LIG1: variants seen among roughly 807,000 people sequenced by gnomAD.
The protein encoded by LIG1 is ligase I, DNA, ATP-dependent.
In LIG1, 70 loss-of-function variants were observed where a neutral mutation model predicts 115.7. That is an observed-to-expected ratio of 0.60 (90% CI 0.50 to 0.74). LIG1 has a LOEUF of 0.74. LIG1 is among the 30% of genes least tolerant of loss of function. LIG1 has a pLI of 0.00. For missense variants in LIG1, 1,115 were observed against 1,225.6 expected (o/e 0.91, Z 1.35); for synonymous variants, 487 against 495.3 (o/e 0.98, Z 0.22).
intron 25 of LIG1, 193 bp from the exon 26 acceptor site, chr19:48,117,974 A>T: frequency 1.6e-6 from 1 of 630,430 alleles, no homozygotes; most frequent in East Asian, 2.8e-5. Context: ...AGAGAAACAG[A>T]AAGTGAAAGA....
In LIG1 at chr19:48,131,202, A is replaced by C. The variant is rs369794091; in HGVS notation, c.1726-31T>G. 58 of 1,537,886 alleles carry C rather than the reference A, an allele frequency of 3.8e-5. No homozygotes were observed. In the South Asian group the frequency reaches 6.0e-4, roughly 16 times the overall value. On this transcript the variant is annotated intron_variant, in intron 18 of 27. Coordinates refer to ENST00000263274, the MANE Select transcript of LIG1 (RefSeq NM_000234.3). Reference sequence around the variant, plus strand: ...ACGATGGGAGAAGGGAGGGGAAATCAGCTGAGTCCCCTCATGTGGCCTCAG... The same window carrying C: ...ACGATGGGAGAAGGGAGGGGAAATCCGCTGAGTCCCCTCATGTGGCCTCAG...
chr19:48,134,929 C>T (rs2034283332), intron 16 of LIG1, among the ~76,000 whole-genome samples: 2 of 152,226 alleles, frequency 1.3e-5, no homozygotes, highest in African/African-American at 4.8e-5. Flanking sequence ...ATCTTGGAGT[C>T]ACCAGCCCTG....
intron 4 of LIG1, among the ~76,000 whole-genome samples, chr19:48,160,222 A>G (rs2036094452): frequency 6.6e-6 from 1 of 152,254 alleles, no homozygotes; most frequent in Non-Finnish European, 1.5e-5. Flanking sequence ...GTCAATTGTT[A>G]TGGCAGCAAA....
At chr19:48,118,354 A>G (rs1397309953) in intron 25 of LIG1, 1 of 170,206 alleles carries the variant, frequency 5.9e-6, no homozygotes, top group African/African-American at 2.4e-5. Flanking sequence ...TGTTCTCGTG[A>G]TAGTGAGGAA....
intron 25 of LIG1, chr19:48,118,501 G>C (rs1009777301): frequency 6.5e-6 from 1 of 153,066 alleles, no homozygotes; most frequent in African/African-American, 2.5e-5. Flanking sequence ...GTGTGGAACT[G>C]TGAGTCCAGG....
intron 9 of LIG1, among the ~76,000 whole-genome samples, chr19:48,148,807 C>A (rs1033221083): frequency 3.9e-5 from 6 of 152,210 alleles, no homozygotes; most frequent in African/African-American, 1.4e-4. Context: ...AAATAATTAA[C>A]AAAATTACAG....
rs1421606950 is a variant in LIG1 at position 48,137,806 on chromosome 19, A to C, written c.1088-118T>G. ...GTGTGTGCTTGTGGCGAGTCCCTGC[A>C]CCTCCCTGTGTCTAACGCTCACCCA... On this transcript the variant is annotated intron_variant, in intron 12 of 27. Transcript: ENST00000263274. The surrounding 1 kb of genome is among the most constrained non-coding windows in gnomAD (Gnocchi z 4.3). 7.8e-7 allele frequency: 1 copy of C among 1,284,710 alleles called. No homozygotes were observed. Among genetic ancestry groups the C allele is most frequent in the Non-Finnish European group, 1.1e-6 (1 of 920,866 alleles). 79.6% of individuals were successfully genotyped at this position (1,284,710 alleles called of 1,614,324 possible).
chr19:48,121,063 C>A (rs2033232440), intron 24 of LIG1, 107 bp downstream of exon 24: 1 of 1,595,546 alleles, frequency 6.3e-7, no homozygotes, highest in East Asian at 2.2e-5. Flanking sequence ...GGATCCTTCA[C>A]AGGGGGATGT....
At chr19:48,142,481 A>G (rs561124513) in intron 11 of LIG1, among the ~76,000 whole-genome samples, 8 of 148,242 alleles carry the variant, frequency 5.4e-5, no homozygotes, top group African/African-American at 2.0e-4. Flanking sequence ...ACAGCCTGAA[A>G]TGCTCCACTC....
chr19:48,117,631 C>A lies in LIG1; in HGVS notation c.2583+7G>T. On this transcript the variant is annotated splice_region_variant and intron_variant, in intron 26 of 27. Transcript: ENST00000263274. ...ACAGGGCCACGGCCAGGTCCTCTGC[C>A]ACTCACCAGGCCCCGCGCAGCAGGG... 1 of 1,611,982 alleles carries A rather than the reference C, an allele frequency of 6.2e-7. No individual in the cohort carries two copies. The highest frequency in any genetic ancestry group is 8.5e-7 in the Non-Finnish European group (1 of 1,179,558).
rs186348988 is a variant in LIG1 at position 48,150,957 on chromosome 19, T to C, written c.574+275A>G. ...CTCAAGTAGTCCACCCACCTCAGCC[T>C]CCCAAAGAGCTAGGATTACAGGTGT... On this transcript the variant is annotated intron_variant, in intron 7 of 27. Coordinates refer to ENST00000263274, the MANE Select transcript of LIG1 (RefSeq NM_000234.3). Among the ~76,000 whole-genome samples, 92 of 151,868 alleles carry C rather than the reference T, an allele frequency of 6.1e-4. No homozygotes were observed. In the East Asian group the frequency reaches 0.016, roughly 27 times the overall value.
At chr19:48,154,009 C>T in intron 5 of LIG1, 42 bp from the exon 6 acceptor site, 3 of 1,537,788 alleles carry the variant, frequency 2.0e-6, no homozygotes, top group South Asian at 2.2e-5. Flanking sequence ...CTCGCTGGCT[C>T]GTGTGCTCCC....
At chr19:48,164,623 C>G (rs918000870) in intron 2 of LIG1, among the ~76,000 whole-genome samples, 4 of 152,342 alleles carry the variant, frequency 2.6e-5, no homozygotes, top group Admixed American at 2.0e-4. Context: ...GAGAGCCCGC[C>G]TGAGGGTGAG....
chr19:48,148,988 C>G (rs924690869), intron 9 of LIG1, among the ~76,000 whole-genome samples: 1 of 152,158 alleles, frequency 6.6e-6, no homozygotes, highest in African/African-American at 2.4e-5. Context: ...GTAGACGCGC[C>G]TGCAGGCTTC....
At chr19:48,167,329 G>C (rs2036535781) in intron 1 of LIG1, among the ~76,000 whole-genome samples, 2 of 151,856 alleles carry the variant, frequency 1.3e-5, no homozygotes, top group South Asian at 4.2e-4. Context: ...GTTGAGACCA[G>C]CTCAGACCAG....
At chr19:48,119,295 T>G (rs1441186594) in intron 24 of LIG1, 105 bp from the exon 25 acceptor site, 27 of 894,794 alleles carry the variant, frequency 3.0e-5, no homozygotes, top group Non-Finnish European at 3.1e-5. Context: ...CCCACTCTGG[T>G]CTACGCAGTA....
intron 21 of LIG1, among the ~76,000 whole-genome samples, chr19:48,126,791 C>T (rs2033698457): frequency 6.6e-6 from 1 of 150,532 alleles, no homozygotes; most frequent in Non-Finnish European, 1.5e-5. Flanking sequence ...TCTATATTGC[C>T]CAGGCTGGTC....
rs75827298 is a variant in LIG1, at chr19:48,157,380, C to T, written c.244-240G>A. On this transcript the variant is annotated intron_variant, in intron 4 of 27. Transcript: ENST00000263274. ...CTGTTTTCTACAGTAACAGAATCTT[C>T]GATTCTCCTGCTTCAGCCTCCCAAG... Among the ~76,000 whole-genome samples the T allele has an allele frequency of 7.8e-3, 1,187 of 152,128 alleles. 12 individuals carry two copies. Among genetic ancestry groups the T allele is most frequent in the African/African-American group, 0.027 (1,112 of 41,496 alleles).
chr19:48,135,980 G>A (rs906546598), intron 15 of LIG1, 54 bp downstream of exon 15: 39 of 1,431,558 alleles, frequency 2.7e-5, no homozygotes, highest in Non-Finnish European at 3.1e-5. Flanking sequence ...AGAGGAGGGG[G>A]GAAGCCTGAG....
Sources: gnomAD v4.1 joint callset for allele counts (sites outside exome capture counted in the v4.1 genomes callset) on GRCh38, gnomAD v4.1.1 for gene constraint, Gnocchi (gnomAD v3.1) non-coding constraint, MANE v1.5 for transcripts, NCBI Gene and HGNC (gene_info 2026-07-23, HGNC 2026-07-21) for gene names.